Variants in LRP1B observed in about 807,000 individuals in gnomAD.
LRP1B encodes LDL receptor related protein 1B, also known as low-density lipoprotein receptor-related protein 1B.
LRP1B carries 217 observed loss-of-function variants against 556.6 expected under a neutral mutation model. That is an observed-to-expected ratio of 0.39 (90% CI 0.35 to 0.44). The LOEUF (loss-of-function observed/expected upper bound fraction) is 0.44. Among genes scored for constraint, LRP1B ranks in the 20% least tolerant of loss-of-function variants. LRP1B has a pLI of 1.00. For synonymous variants in LRP1B, 2,047 were observed against 1,865.8 expected, an observed-to-expected ratio of 1.10 and a Z score of -2.50; for missense variants, 5,053 against 5,620.8, an observed-to-expected ratio of 0.90 and a Z score of 3.23.
At chr2:140,532,710 C>T (rs6723595) in intron 47 of LRP1B, among the ~76,000 whole-genome samples, 74,725 of 151,022 alleles carry the variant, frequency 0.49, 18,783 homozygotes, top group East Asian at 0.61. Context: ...GTTTTTACCA[C>T]TCTCTTATAT....
intron 2 of LRP1B, among the ~76,000 whole-genome samples, chr2:141,651,306 A>G (rs760731890): frequency 3.9e-5 from 6 of 152,212 alleles, no homozygotes; most frequent in Non-Finnish European, 8.8e-5. Context: ...GCCAGACAAA[A>G]TAACAGAACA....
rs146648695 is a variant in LRP1B, at chr2:140,487,809, A to C, written c.9121-70T>G. ...TAATTATAAAATGTTTTAGGAGTTTACAGGAATCACTGTCTTCCTTTGAAA... is the reference window on the plus strand; with the variant it reads ...TAATTATAAAATGTTTTAGGAGTTTCCAGGAATCACTGTCTTCCTTTGAAA... On this transcript the variant is annotated intron_variant, in intron 57 of 90. Transcript: ENST00000389484. 44 of 1,018,912 alleles carry C rather than the reference A, an allele frequency of 4.3e-5. No individual in the cohort carries two copies. In the African/African-American group the frequency reaches 6.1e-4, roughly 14 times the overall value. The allele number at this position is 1,018,912 out of a possible 1,614,324, so 63.1% of individuals were successfully genotyped here.
At chr2:140,501,328 C>T (rs1164474624) in intron 55 of LRP1B, among the ~76,000 whole-genome samples, 1 of 151,872 alleles carries the variant, frequency 6.6e-6, no homozygotes, top group African/African-American at 2.4e-5. Flanking sequence ...CATTCCACTT[C>T]GAAGATGTAC....
chr2:141,776,807 G>T (rs1172535582), intron 2 of LRP1B, among the ~76,000 whole-genome samples: 1 of 152,128 alleles, frequency 6.6e-6, no homozygotes, highest in African/African-American at 2.4e-5. Flanking sequence ...AATATCTGGA[G>T]AACAATAAGA....
intron 7 of LRP1B, among the ~76,000 whole-genome samples, chr2:141,096,618 CGGGGAGAG>C (rs1404655776): frequency 0.094 from 6,690 of 71,076 alleles, 1,059 homozygotes; most frequent in East Asian, 0.27. Flanking sequence ...ATGACAAAGA[CGGGGAGAG>C]GGGGAGAGAG....
chr2:141,822,357 A>C (rs1696783712), intron 1 of LRP1B, among the ~76,000 whole-genome samples: 1 of 152,124 alleles, frequency 6.6e-6, no homozygotes, highest in African/African-American at 2.4e-5. Flanking sequence ...AGCCCATTCA[A>C]ATGAATCAGC....
At position 141,169,872 on chromosome 2, in the gene LRP1B, T is replaced by A. The variant is rs183079868; in HGVS notation, c.1013+18549A>T. On this transcript the variant is annotated intron_variant, in intron 7 of 90. Coordinates refer to ENST00000389484, the MANE Select transcript of LRP1B (RefSeq NM_018557.3). ...TGCTCATGATGTTATTGATAGCTTA[T>A]TCATGAGGATTTTGTTACCAATTAT... Among the ~76,000 whole-genome samples, 3 of 151,852 alleles carry A rather than the reference T, an allele frequency of 2.0e-5. No homozygotes were observed. In the East Asian group the frequency reaches 5.8e-4, roughly 29 times the overall value.
At chr2:141,890,425 A>G (rs1488266693) in intron 1 of LRP1B, among the ~76,000 whole-genome samples, 2 of 125,184 alleles carry the variant, frequency 1.6e-5, no homozygotes, top group Non-Finnish European at 3.6e-5. Flanking sequence ...TTGAAATTAA[A>G]TGTTCTCATT....
At chr2:140,939,766 C>G (rs889286486) in intron 20 of LRP1B, among the ~76,000 whole-genome samples, 1 of 151,346 alleles carries the variant, frequency 6.6e-6, no homozygotes, top group Admixed American at 6.6e-5. Context: ...ACATGAAAAT[C>G]CAAACATTTA....
chr2:141,475,617 C>G (rs1200897908), intron 3 of LRP1B, among the ~76,000 whole-genome samples: 2 of 152,026 alleles, frequency 1.3e-5, no homozygotes, highest in Admixed American at 1.3e-4. Context: ...GCCACACCCC[C>G]CTATCCTGTA....
chr2:141,282,050 T>C (rs547969075), intron 3 of LRP1B, among the ~76,000 whole-genome samples: 4 of 152,186 alleles, frequency 2.6e-5, no homozygotes, highest in Admixed American at 6.5e-5. Context: ...AGGATTTATT[T>C]TTCTAAAGTA....
chr2:142,005,839 G>A (rs1702783790), intron 1 of LRP1B, among the ~76,000 whole-genome samples: 1 of 151,116 alleles, frequency 6.6e-6, no homozygotes, highest in Non-Finnish European at 1.5e-5. Flanking sequence ...AGACACTTTA[G>A]GCTTTGGGGA....
At position 141,049,072 on chromosome 2, in the gene LRP1B, T is replaced by C. The variant is rs774153447; in HGVS notation, c.1703A>G (p.Asn568Ser). The C allele has an allele frequency of 6.8e-6, 11 of 1,613,542 alleles. No individual in the cohort carries two copies. Among genetic ancestry groups the C allele is most frequent in the African/African-American group, 2.7e-5 (2 of 74,878 alleles). Residue 568 changes from asparagine to serine, a missense_variant, in exon 11 of 91, where the codon AAT (asparagine) becomes AGT (serine). Asn to Ser is a conservative substitution (Grantham distance 46). Around this residue, in one of 5 missense-constraint regions of LRP1B, gnomAD observed 3,619 missense variants for 3,931.9 expected, o/e 0.92. Coordinates refer to ENST00000389484, the MANE Select transcript of LRP1B (RefSeq NM_018557.3). ...PRALDFHAET[N>S]YIYFADTTSF... ...GGTGGTGTCAGCAAAGTAGATGTAA[T>C]TGGTTTCTGCGTGAAAGTCTAAAGC...
At chr2:141,399,976 TTTTGG>T (rs1223304294) in intron 3 of LRP1B, among the ~76,000 whole-genome samples, 5 of 152,080 alleles carry the variant, frequency 3.3e-5, no homozygotes, top group East Asian at 1.9e-4. Context: ...TTTTTTGTTG[TTTTGG>T]TTTGGTTTGG....
intron 1 of LRP1B, among the ~76,000 whole-genome samples, chr2:142,090,674 T>C (rs371377721): frequency 6.6e-6 from 1 of 152,050 alleles, no homozygotes; most frequent in Non-Finnish European, 1.5e-5. Flanking sequence ...AATATGCAAG[T>C]TGACAGAATG....
intron 2 of LRP1B, among the ~76,000 whole-genome samples, chr2:141,530,336 C>T (rs1331126273): frequency 6.6e-6 from 1 of 151,982 alleles, no homozygotes; most frequent in East Asian, 1.9e-4. Flanking sequence ...GTCAATATCA[C>T]CAAAGTGCAT....
intron 2 of LRP1B, among the ~76,000 whole-genome samples, chr2:141,509,347 A>G (rs1252682717): frequency 6.6e-6 from 1 of 152,148 alleles, no homozygotes; most frequent in Non-Finnish European, 1.5e-5. Flanking sequence ...TCACTGTCAT[A>G]TGGCTGTGCT....
chr2:141,663,920 C>CAAAAAAAAAAAAA (rs796406816), intron 2 of LRP1B, among the ~76,000 whole-genome samples: 1 of 113,318 alleles, frequency 8.8e-6, no homozygotes, highest in Non-Finnish European at 1.9e-5. Context: ...AGAGATACAT[C>CAAAAAAAAAAAAA]AAAAAAAAAA....
intron 1 of LRP1B, among the ~76,000 whole-genome samples, chr2:141,927,762 T>C (rs1036226525): frequency 3.4e-4 from 51 of 151,958 alleles, no homozygotes; most frequent in Admixed American, 2.6e-3. Flanking sequence ...GATGGAAGAA[T>C]CATAAATCCT....
Sources: gnomAD v4.1 joint callset for allele counts (sites outside exome capture counted in the v4.1 genomes callset) on GRCh38, gnomAD v4.1.1 for gene constraint, gnomAD v4.1.1 regional missense constraint, MANE v1.5 for transcripts, NCBI Gene and HGNC (gene_info 2026-07-23, HGNC 2026-07-21) for gene names.